Variants in GPHN observed in about 807,000 individuals in gnomAD.
The protein encoded by GPHN is gephyrin.
In GPHN, 17 loss-of-function variants were observed where a neutral mutation model predicts 95.5. The ratio of observed to expected loss-of-function variants is 0.18; its 90% confidence interval spans 0.12 to 0.27. The LOEUF (loss-of-function observed/expected upper bound fraction) is 0.27. GPHN is among the 10% of genes least tolerant of loss of function. The pLI is 1.00. For synonymous variants in GPHN, 320 were observed against 322.5 expected, an observed-to-expected ratio of 0.99 and a Z score of 0.08; for missense variants, 660 against 978.1, an observed-to-expected ratio of 0.67 and a Z score of 4.34.
the GPHN span, among the ~76,000 whole-genome samples, chr14:67,350,432 A>T: frequency 6.6e-6 from 1 of 152,240 alleles, no homozygotes; most frequent in Admixed American, 6.5e-5. Context: ...ACTATGTAAG[A>T]ATTACATGTG....
chr14:67,676,169 T>C, the GPHN span, among the ~76,000 whole-genome samples: 2 of 152,208 alleles, frequency 1.3e-5, no homozygotes, highest in Non-Finnish European at 2.9e-5. Flanking sequence ...AATGTTTGCT[T>C]GGGAGTTCAA....
At chr14:67,215,397 T>C in the GPHN span, among the ~76,000 whole-genome samples, 1 of 142,188 alleles carries the variant, frequency 7.0e-6, no homozygotes, top group Non-Finnish European at 1.5e-5. Context: ...CCCAGAACAC[T>C]GATCTATTGT....
the GPHN span, among the ~76,000 whole-genome samples, chr14:67,366,952 A>T: frequency 3.3e-5 from 5 of 152,192 alleles, no homozygotes; most frequent in Admixed American, 2.0e-4. Flanking sequence ...TTGGCTTTAG[A>T]ACTGGAGGCG....
the GPHN span, among the ~76,000 whole-genome samples, chr14:67,598,829 C>T: frequency 6.6e-6 from 1 of 151,862 alleles, no homozygotes; most frequent in Non-Finnish European, 1.5e-5. Context: ...CCCGCCTGAG[C>T]CTTCCGAGTG....
At chr14:66,692,237 A>T (rs1031055541) in intron 2 of GPHN, among the ~76,000 whole-genome samples, 1 of 152,200 alleles carries the variant, frequency 6.6e-6, no homozygotes, top group African/African-American at 2.4e-5. Flanking sequence ...ACTGTAAAAC[A>T]TGCAATTTTT....
intron 8 of GPHN, among the ~76,000 whole-genome samples, chr14:66,945,179 T>TG (rs1040834636): frequency 2.0e-5 from 3 of 151,652 alleles, no homozygotes; most frequent in Non-Finnish European, 4.4e-5. Flanking sequence ...ATTTATTGTG[T>TG]GAAAAAAAAA....
intron 3 of GPHN, among the ~76,000 whole-genome samples, chr14:66,797,021 CTT>C (rs369681377): frequency 9.9e-5 from 8 of 81,196 alleles, no homozygotes; most frequent in African/African-American, 2.4e-4. Flanking sequence ...TATCTAGTTC[CTT>C]TTTTTTTTTT....
intron 17 of GPHN, among the ~76,000 whole-genome samples, chr14:67,131,982 C>A (rs897723782): frequency 4.6e-5 from 7 of 152,124 alleles, no homozygotes; most frequent in Admixed American, 3.3e-4. Context: ...AAGAAGATTT[C>A]CCCCTTCTGG....
chr14:67,110,108 A>G, intron 13 of GPHN, 32 bp from the exon 14 acceptor site: 1 of 1,606,272 alleles, frequency 6.2e-7, no homozygotes, highest in Non-Finnish European at 8.5e-7. Flanking sequence ...GCAGCAAAGT[A>G]CATCAACTGT....
At chr14:67,207,291 G>A in the GPHN span, among the ~76,000 whole-genome samples, 1 of 152,062 alleles carries the variant, frequency 6.6e-6, no homozygotes, top group Non-Finnish European at 1.5e-5. Flanking sequence ...ACTTACAATC[G>A]TGTGGAAGAG....
At chr14:66,702,163 G>A (rs969941335) in intron 2 of GPHN, among the ~76,000 whole-genome samples, 1 of 152,224 alleles carries the variant, frequency 6.6e-6, no homozygotes, top group Non-Finnish European at 1.5e-5. Context: ...TGAACCCCTA[G>A]GGGAAGGAGT....
At chr14:66,572,042 T>C (rs923088411) in intron 1 of GPHN, among the ~76,000 whole-genome samples, 7 of 152,220 alleles carry the variant, frequency 4.6e-5, no homozygotes, top group Non-Finnish European at 1.0e-4. Context: ...CTTTCTCCAT[T>C]GTGCATTCTT....
At chr14:67,088,838 C>T (rs1009283020) in intron 11 of GPHN, 145 bp from the exon 12 acceptor site, 2 of 678,262 alleles carry the variant, frequency 2.9e-6, no homozygotes, top group South Asian at 3.1e-5. Context: ...CTTCTATCTC[C>T]TGTTTCTTGG....
At chr14:66,659,269 G>A (rs970150593) in intron 1 of GPHN, among the ~76,000 whole-genome samples, 9 of 151,634 alleles carry the variant, frequency 5.9e-5, no homozygotes, top group African/African-American at 2.2e-4. Flanking sequence ...TGCCTTGTCT[G>A]GTATGTTTCT....
intron 1 of GPHN, among the ~76,000 whole-genome samples, chr14:66,594,947 C>T (rs188266187): frequency 5.3e-5 from 8 of 152,174 alleles, no homozygotes; most frequent in African/African-American, 1.9e-4. Flanking sequence ...ATATGAGGAA[C>T]TTGAAAGTAA....
chr14:66,811,888 C>T (rs1183845152), intron 3 of GPHN, among the ~76,000 whole-genome samples: 1 of 152,108 alleles, frequency 6.6e-6, no homozygotes, highest in Admixed American at 6.5e-5. Flanking sequence ...AACTCTAAAC[C>T]AAACAAAGAA....
At chr14:67,204,509 G>A in the GPHN span, 1 of 1,597,174 alleles carries the variant, frequency 6.3e-7, no homozygotes, top group East Asian at 2.2e-5. Flanking sequence ...CAGGTCTCCA[G>A]ATGATGTTAC....
chr14:67,092,992 T>C (rs2077202665), intron 12 of GPHN, among the ~76,000 whole-genome samples: 1 of 152,064 alleles, frequency 6.6e-6, no homozygotes. Flanking sequence ...GGCAAAAATA[T>C]GTTAGAACTC....
the GPHN span, among the ~76,000 whole-genome samples, chr14:67,671,236 T>C: frequency 6.6e-6 from 1 of 151,994 alleles, no homozygotes; most frequent in East Asian, 1.9e-4. Flanking sequence ...CAACTTAGAG[T>C]ATTTTGTGGT....
Sources: gnomAD v4.1 joint callset for allele counts (sites outside exome capture counted in the v4.1 genomes callset) on GRCh38, gnomAD v4.1.1 for gene constraint, MANE v1.5 for transcripts, NCBI Gene and HGNC (gene_info 2026-07-23, HGNC 2026-07-21) for gene names.